ACSL3: variants seen among roughly 807,000 people sequenced by gnomAD.
The protein encoded by ACSL3 is fatty acid CoA ligase Acsl3.
Under a neutral mutation model 84.7 loss-of-function variants are expected in ACSL3, and 34 were observed. The ratio of observed to expected loss-of-function variants is 0.40; its 90% confidence interval spans 0.31 to 0.53. ACSL3 has a LOEUF of 0.53. Ranked by LOEUF, ACSL3 falls within the 20% of genes least tolerant of loss-of-function variation. The probability of loss-of-function intolerance (pLI) is 0.48; values close to 1 mark genes in which losing one functional copy is unlikely to be tolerated. For synonymous variants in ACSL3, 315 were observed against 299.4 expected (o/e 1.05, Z -0.54); for missense variants, 680 against 873.1 (o/e 0.78, Z 2.79).
chr2:222,916,996 A>G (rs1051932679), intron 5 of ACSL3, among the ~76,000 whole-genome samples: 4 of 152,166 alleles, frequency 2.6e-5, no homozygotes, highest in Non-Finnish European at 4.4e-5. Context: ...CTCGGTGCCA[A>G]AATGTGACAG....
At chr2:222,939,008 G>C (rs1043121806) in intron 16 of ACSL3, among the ~76,000 whole-genome samples, 1 of 150,474 alleles carries the variant, frequency 6.6e-6, no homozygotes, top group African/African-American at 2.4e-5. Flanking sequence ...TTCATGCGTT[G>C]TTTTCTTGTT....
At chr2:222,866,744 G>GCCCCCCCCCCCCACC (rs1559273420) in intron 1 of ACSL3, among the ~76,000 whole-genome samples, 1 of 22,730 alleles carries the variant, frequency 4.4e-5, no homozygotes, top group Non-Finnish European at 8.6e-5. Context: ...AAACTGCCCT[G>GCCCCCCCCCCCCACC]CCCCCCCCGC....
At chr2:222,928,669 C>A (rs562979086) in intron 12 of ACSL3, among the ~76,000 whole-genome samples, 193 bp from the exon 13 acceptor site, 6 of 146,736 alleles carry the variant, frequency 4.1e-5, no homozygotes, top group Non-Finnish European at 9.0e-5. Flanking sequence ...AAAAAAAAAA[C>A]CTCAATGTAG....
chr2:222,929,644 G>T (rs888456534), intron 13 of ACSL3, among the ~76,000 whole-genome samples: 1 of 151,990 alleles, frequency 6.6e-6, no homozygotes, highest in Non-Finnish European at 1.5e-5. Flanking sequence ...CAGGCGTGGT[G>T]GTGCGTGCCT....
chr2:222,899,455 C>T (rs4674720), intron 2 of ACSL3, among the ~76,000 whole-genome samples: 126,518 of 151,992 alleles, frequency 0.83, 53,014 homozygotes, highest in East Asian at 0.97. Flanking sequence ...AGCCAGGCAA[C>T]GGACGGGACT....
intron 13 of ACSL3, among the ~76,000 whole-genome samples, chr2:222,929,592 C>A (rs1357091542): frequency 6.6e-6 from 1 of 152,018 alleles, no homozygotes; most frequent in African/African-American, 2.4e-5. Flanking sequence ...CCAGCCTGAC[C>A]AACATGGTGA....
rs57546680 is a variant in ACSL3 at position 222,914,234 on chromosome 2, C to CGTGTGTGT, written c.379-2048_379-2041dup. On this transcript the variant is annotated intron_variant, in intron 4 of 16. Coordinates refer to ENST00000357430, the MANE Select transcript of ACSL3 (RefSeq NM_004457.5). ...AGGAAGGGTGGAAGGTGTGTGTGTA[C>CGTGTGTGT]GTGTGTGTGTGTGTGTGTGTGTGTG... Among the ~76,000 whole-genome samples the CGTGTGTGT allele has an allele frequency of 3.5e-3, 496 of 140,266 alleles. 3 individuals carry two copies. The highest frequency in any genetic ancestry group is 0.012 in the African/African-American group (441 of 37,054). The allele number at this position is 140,266 out of a possible 152,430, so 92.0% of individuals were successfully genotyped here.
At chr2:222,869,344 C>G (rs774291301) in intron 1 of ACSL3, among the ~76,000 whole-genome samples, 6 of 152,216 alleles carry the variant, frequency 3.9e-5, no homozygotes, top group African/African-American at 1.4e-4. Flanking sequence ...CTTCCTTCAT[C>G]TCTCTGGCTC....
At position 222,864,168 on chromosome 2, in the gene ACSL3, T is replaced by A. The variant is rs184887067; in HGVS notation, c.-207+2910T>A. 3.9e-3 allele frequency among the ~76,000 whole-genome samples: 591 copies of A among 152,344 alleles called. 2 individuals are homozygous for A. The highest frequency in any genetic ancestry group is 0.024 in the Middle Eastern group (7 of 294). ...GCAACTAAAGAGGTATGTGTGCTAT[T>A]CACTGAGCTGGGGCTTAACTGGTAG... On this transcript the variant is annotated intron_variant, in intron 1 of 16. Transcript: ENST00000357430.
intron 3 of ACSL3, 102 bp from the exon 4 acceptor site, chr2:222,908,631 C>A: frequency 1.4e-6 from 1 of 704,356 alleles, no homozygotes; most frequent in South Asian, 2.0e-5. Flanking sequence ...GTGGTAGCTG[C>A]TGCCTGATAG....
intron 2 of ACSL3, among the ~76,000 whole-genome samples, chr2:222,898,834 A>G (rs1196644598): frequency 6.6e-6 from 1 of 152,198 alleles, no homozygotes; most frequent in Non-Finnish European, 1.5e-5. Context: ...CTCAAAAAAC[A>G]AAAACAAACA....
chr2:222,904,205 A>G (rs1696233079), intron 3 of ACSL3, among the ~76,000 whole-genome samples: 1 of 152,120 alleles, frequency 6.6e-6, no homozygotes, highest in South Asian at 2.1e-4. Flanking sequence ...TGGGAGGCGG[A>G]GGTTGCAGTG....
At chr2:222,864,322 A>G (rs1695083465) in intron 1 of ACSL3, among the ~76,000 whole-genome samples, 1 of 152,134 alleles carries the variant, frequency 6.6e-6, no homozygotes, top group Non-Finnish European at 1.5e-5. Context: ...TACCGTTTTG[A>G]AGACCTCCAT....
rs1697345812 is a variant in ACSL3, at chr2:222,942,694, TGA to T, written c.*1042_*1043del. On this transcript the variant is annotated 3_prime_UTR_variant, in exon 17 of 17. Coordinates refer to ENST00000357430, the MANE Select transcript of ACSL3 (RefSeq NM_004457.5). ...GCACTGATGCGTGTATGGATGTGTG[TGA>T]GTCAGTGGTAGCTTATTTAAAAAGC... 4.7e-6 allele frequency: 1 copy of T among 210,970 alleles called. No individual in the cohort carries two copies. Among genetic ancestry groups the T allele is most frequent in the African/African-American group, 2.3e-5 (1 of 44,202 alleles). The allele number at this position is 210,970 out of a possible 1,614,324, so 13.1% of individuals were successfully genotyped here.
At chr2:222,902,635 A>G (rs1365008831) in intron 3 of ACSL3, among the ~76,000 whole-genome samples, 1 of 152,354 alleles carries the variant, frequency 6.6e-6, no homozygotes, top group Middle Eastern at 3.4e-3. Context: ...AAAATTAGGC[A>G]TGTGGACACA....
chr2:222,929,949 C>T (rs1325903336), intron 13 of ACSL3, among the ~76,000 whole-genome samples: 52 of 112,598 alleles, frequency 4.6e-4, no homozygotes, highest in African/African-American at 1.6e-3. Context: ...TTTTTTGACA[C>T]GGAGTTTTGC....
At chr2:222,913,469 T>A (rs906752823) in intron 4 of ACSL3, among the ~76,000 whole-genome samples, 10 of 152,182 alleles carry the variant, frequency 6.6e-5, no homozygotes, top group African/African-American at 2.4e-4. Flanking sequence ...GTCCCTCTCC[T>A]TTCATCCTAT....
intron 3 of ACSL3, among the ~76,000 whole-genome samples, chr2:222,902,384 T>TC (rs1696174734): frequency 6.6e-6 from 1 of 152,188 alleles, no homozygotes; most frequent in South Asian, 2.1e-4. Context: ...GTATGGCAGA[T>TC]CCCTGTAGCC....
intron 4 of ACSL3, among the ~76,000 whole-genome samples, chr2:222,914,234 CGTGTGTGTGTGTGTGTGTGT>C (rs57546680): frequency 2.3e-4 from 32 of 140,268 alleles, no homozygotes; most frequent in Middle Eastern, 3.5e-3. Flanking sequence ...TGTGTGTGTA[CGTGTGTGTGTGTGTGTGTGT>C]GTGTGTGTGT....
Sources: allele counts gnomAD v4.1 joint callset (sites outside exome capture counted in the v4.1 genomes callset), GRCh38; gene constraint gnomAD v4.1.1; transcripts MANE v1.5; gene names NCBI Gene and HGNC (gene_info 2026-07-23, HGNC 2026-07-21).